The following R3HDML variants were observed in gnomAD, a reference collection of about 807,000 sequenced individuals.
R3HDML encodes peptidase inhibitor R3HDML.
Under a neutral mutation model 24.2 loss-of-function variants are expected in R3HDML, and 21 were observed. That is an observed-to-expected ratio of 0.87 (90% CI 0.62 to 1.25). R3HDML has a LOEUF of 1.25. R3HDML is among the 50% of genes most tolerant of loss of function. The pLI is 0.00. For synonymous variants in R3HDML, 133 were observed against 131.5 expected, an observed-to-expected ratio of 1.01 and a Z score of -0.08; for missense variants, 301 against 340.3, an observed-to-expected ratio of 0.88 and a Z score of 0.91.
At chr20:44,338,320 T>A (rs189484495) in intron 1 of R3HDML, among the ~76,000 whole-genome samples, 9 of 152,332 alleles carry the variant, frequency 5.9e-5, no homozygotes, top group African/African-American at 2.2e-4. Flanking sequence ...TGCTAAGCCT[T>A]GTGGATACTG....
At chr20:44,350,500 A>G in intron 4 of R3HDML, 160 bp from the exon 5 acceptor site, 1 of 559,682 alleles carries the variant, frequency 1.8e-6, no homozygotes, top group Non-Finnish European at 2.9e-6. Flanking sequence ...AAATAAATAA[A>G]TAAATAAATA....
chr20:44,338,903 C>G (rs1413639128), intron 1 of R3HDML, among the ~76,000 whole-genome samples: 2 of 152,060 alleles, frequency 1.3e-5, no homozygotes, highest in Non-Finnish European at 2.9e-5. Context: ...GAAACCCAGT[C>G]TGTACTAAAA....
chr20:44,347,519 G>C (rs943653337), intron 4 of R3HDML: 8 of 152,038 alleles, frequency 5.3e-5, no homozygotes, highest in African/African-American at 1.9e-4. Context: ...CACCGTGCCT[G>C]CCCTAGAATT....
intron 3 of R3HDML, among the ~76,000 whole-genome samples, chr20:44,344,155 C>T (rs1408346741): frequency 5.9e-5 from 9 of 152,094 alleles, no homozygotes; most frequent in Non-Finnish European, 1.2e-4. Context: ...GTGGCATGTG[C>T]CTATAATCTC....
Position 44,337,481 on chromosome 20 carries a change from C to A in R3HDML, c.261+63C>A, listed in dbSNP as rs1183164624. 6.5e-7 allele frequency: 1 copy of A among 1,539,514 alleles called. No homozygotes were observed. The highest frequency in any genetic ancestry group is 8.9e-7 in the Non-Finnish European group (1 of 1,126,698). The stretch of plus-strand genomic sequence containing the variant: ...CCCTTCCGGCAAACGCAGCCGGACT[C>A]ATCTTGGCCTAGAATGACTGGCTTT... On this transcript the variant is annotated intron_variant, in intron 1 of 4. Coordinates refer to ENST00000217043, the MANE Select transcript of R3HDML (RefSeq NM_178491.4). The surrounding 1 kb of genome is among the most constrained non-coding windows in gnomAD (Gnocchi z 4.7).
Position 44,337,446 on chromosome 20 carries a change from C to G in R3HDML, c.261+28C>G, listed in dbSNP as rs756871059. ...GAGTCCCCGTACCTGCCCCCCACCC[C>G]CCGCAGTGTCCCTTCCGGCAAACGC... On this transcript the variant is annotated intron_variant, in intron 1 of 4. Transcript: ENST00000217043. The surrounding 1 kb of genome is among the most constrained non-coding windows in gnomAD (Gnocchi z 4.7). 7.5e-6 allele frequency: 12 copies of G among 1,596,154 alleles called. No individual in the cohort carries two copies. The highest frequency in any genetic ancestry group is 9.4e-6 in the Non-Finnish European group (11 of 1,166,792).
intron 3 of R3HDML, 105 bp downstream of exon 3, chr20:44,343,614 T>C (rs1040066387): frequency 1.3e-5 from 15 of 1,199,802 alleles, no homozygotes; most frequent in Non-Finnish European, 1.7e-5. Context: ...AAGACCGTTA[T>C]GAGCTTCTTT....
Position 44,337,132 on chromosome 20 carries a change from C to T in R3HDML, c.-26C>T. 1.2e-6 allele frequency: 2 copies of T among 1,603,154 alleles called. No homozygotes were observed. Among genetic ancestry groups the T allele is most frequent in the Non-Finnish European group, 1.7e-6 (2 of 1,173,854 alleles). ...GGCAGCCGGCTCTGATTGCACAAGG[C>T]AGACCTGTGACTCCTCCATCCAGCT... On this transcript the variant is annotated 5_prime_UTR_variant, in exon 1 of 5. Coordinates refer to ENST00000217043, the MANE Select transcript of R3HDML (RefSeq NM_178491.4). The surrounding 1 kb of genome is among the most constrained non-coding windows in gnomAD (Gnocchi z 4.7).
At chr20:44,340,977 A>T (rs1310016505) in intron 1 of R3HDML, among the ~76,000 whole-genome samples, 2 of 152,210 alleles carry the variant, frequency 1.3e-5, no homozygotes, top group East Asian at 3.8e-4. Context: ...GCTCAGAGTC[A>T]AGAGATCTGG....
chr20:44,341,155 G>C, intron 1 of R3HDML, 41 bp from the exon 2 acceptor site: 4 of 1,503,790 alleles, frequency 2.7e-6, no homozygotes, highest in Non-Finnish European at 3.7e-6. Flanking sequence ...TGACGATGGT[G>C]GCAATTCCCC....
Position 44,337,043 on chromosome 20 carries a change from A to G in R3HDML, c.-115A>G. On this transcript the variant is annotated 5_prime_UTR_variant, in exon 1 of 5. Transcript: ENST00000217043. This position sits in a 1 kb window ranked among gnomAD's most constrained non-coding sequence, Gnocchi z 4.7. The stretch of plus-strand genomic sequence containing the variant: ...CTTTGCCAAGTTCCCAGGAGGCAGC[A>G]TCCTCTGGGTCGGCACTGTTGGAGA... 7.6e-7 allele frequency: 1 copy of G among 1,321,374 alleles called. No homozygotes were observed. The allele number at this position is 1,321,374 out of a possible 1,614,324, so 81.9% of individuals were successfully genotyped here.
intron 4 of R3HDML, among the ~76,000 whole-genome samples, chr20:44,349,915 C>A (rs1049184523): frequency 6.6e-6 from 1 of 151,942 alleles, no homozygotes; most frequent in Non-Finnish European, 1.5e-5. Context: ...ACTAAAAATA[C>A]AAAAATTAGC....
intron 1 of R3HDML, among the ~76,000 whole-genome samples, chr20:44,339,999 G>A (rs2146108241): frequency 6.6e-6 from 1 of 152,096 alleles, no homozygotes; most frequent in South Asian, 2.1e-4. Flanking sequence ...TTGTTGCCCA[G>A]GATGGAGTAC....
intron 3 of R3HDML, chr20:44,344,869 T>C (rs1448151489): frequency 5.4e-6 from 1 of 184,846 alleles, no homozygotes; most frequent in Non-Finnish European, 1.1e-5. Flanking sequence ...GTTCTCTCAA[T>C]TGATTGTTTA....
intron 3 of R3HDML, among the ~76,000 whole-genome samples, chr20:44,343,747 G>A (rs2062778505): frequency 6.6e-6 from 1 of 152,106 alleles, no homozygotes; most frequent in African/African-American, 2.4e-5. Flanking sequence ...CGAGGCTGGA[G>A]TGTAGTGGTG....
At chr20:44,349,134 A>G (rs1568678794) in intron 4 of R3HDML, among the ~76,000 whole-genome samples, 1 of 145,854 alleles carries the variant, frequency 6.9e-6, no homozygotes, top group Non-Finnish European at 1.5e-5. Context: ...CTCAAAGTAA[A>G]ATAAAATAAA....
In R3HDML at chr20:44,343,480, G is replaced by A. The variant is rs112634290; in HGVS notation, c.484G>A (p.Asp162Asn). ...TAACCCACACTGCCCCTGGCGCTGC[G>A]ATGGCCCCACCTGCTCCCATTATAC... ...DCNPHCPWRC[D>N]GPTCSHYTQM... Residue 162 changes from aspartate (D) to asparagine (N), a missense_variant, in exon 3 of 5, where the codon GAT becomes AAT. By Grantham distance (23) the Asp-to-Asn change is conservative. Coordinates refer to ENST00000217043, the MANE Select transcript of R3HDML (RefSeq NM_178491.4). The A allele has an allele frequency of 3.1e-4, 506 of 1,611,734 alleles. No homozygotes were observed. The highest frequency in any genetic ancestry group is 4.3e-4 in the African/African-American group (32 of 74,834).
intron 4 of R3HDML, among the ~76,000 whole-genome samples, chr20:44,348,233 A>G (rs894487226): frequency 6.6e-6 from 1 of 152,164 alleles, no homozygotes; most frequent in African/African-American, 2.4e-5. Flanking sequence ...GAATAAAATA[A>G]TACCCAATCT....
chr20:44,343,494 C>A lies in R3HDML; in HGVS notation c.498C>A (p.Cys166Ter). 1.2e-6 allele frequency: 2 copies of A among 1,609,730 alleles called. No homozygotes were observed. The highest frequency in any genetic ancestry group is 1.7e-5 in the Admixed American group (1 of 58,952). Residue 166 changes from cysteine to a stop codon, truncating the protein, a stop_gained, in exon 3 of 5, where the codon TGC (cysteine) becomes TGA (stop). Coordinates refer to ENST00000217043, the MANE Select transcript of R3HDML (RefSeq NM_178491.4). LOFTEE classifies it high-confidence loss of function. Reference sequence around the variant, plus strand: ...CCTGGCGCTGCGATGGCCCCACCTGCTCCCATTATACCCAGGTACTCCTCC... The same window carrying A: ...CCTGGCGCTGCGATGGCCCCACCTGATCCCATTATACCCAGGTACTCCTCC... ...HCPWRCDGPT[C>*]SHYTQMVWAS... is the part of the protein sequence containing the mutation.
Sources: gnomAD v4.1 joint callset for allele counts (sites outside exome capture counted in the v4.1 genomes callset) on GRCh38, gnomAD v4.1.1 for gene constraint, Gnocchi (gnomAD v3.1) non-coding constraint, MANE v1.5 for transcripts, NCBI Gene and HGNC (gene_info 2026-07-23, HGNC 2026-07-21) for gene names.